TXNRD1: variants seen among roughly 807,000 people sequenced by gnomAD.
TXNRD1 encodes thioredoxin reductase 1, cytoplasmic.
In TXNRD1, 57 loss-of-function variants were observed where a neutral mutation model predicts 80.3. The ratio of observed to expected loss-of-function variants is 0.71; its 90% CI spans 0.57 to 0.89. The LOEUF is 0.89. Among genes scored for constraint, TXNRD1 ranks in the 40% least tolerant of loss-of-function variants. TXNRD1 has a pLI of 0.00. For missense variants in TXNRD1, 730 were observed against 803.0 expected (o/e 0.91, Z 1.10); for synonymous variants, 291 against 285.2 (o/e 1.02, Z -0.20).
chr12:104,331,117 G>A (rs1390329806), intron 13 of TXNRD1, among the ~76,000 whole-genome samples: 1 of 151,958 alleles, frequency 6.6e-6, no homozygotes, highest in Non-Finnish European at 1.5e-5. Context: ...AGGATAAAAT[G>A]TTTTATGGCT....
chr12:104,317,413 CTCTAAT>C lies in TXNRD1; in HGVS notation c.731-1494_731-1489del, dbSNP rs1453086163. ...AGTTGAACCAATTTCTTAAGGTTTG[CTCTAAT>C]TCTAACATTATGATCATATGAATTC... On this transcript the variant is annotated intron_variant, in intron 7 of 16. Transcript: ENST00000525566. 5.0e-5 allele frequency among the ~76,000 whole-genome samples: 7 copies of C among 140,504 alleles called. No individual in the cohort carries two copies. The Middle Eastern group carries it at 0.012, about 239-fold the overall frequency. The allele number at this position is 140,504 out of a possible 152,430, so 92.2% of individuals were successfully genotyped here.
intron 3 of TXNRD1, among the ~76,000 whole-genome samples, chr12:104,266,548 G>T (rs1358592397): frequency 2.5e-5 from 3 of 120,196 alleles, no homozygotes; most frequent in Non-Finnish European, 3.6e-5. Context: ...AAAAAAATTA[G>T]TTGGCTGGGC....
At chr12:104,294,470 G>A (rs940822938) in intron 4 of TXNRD1, among the ~76,000 whole-genome samples, 7 of 152,016 alleles carry the variant, frequency 4.6e-5, no homozygotes, top group African/African-American at 9.7e-5. Flanking sequence ...TGTATGGCCT[G>A]GTTTTTCCTA....
chr12:104,257,537 G>A (rs1051749126), intron 2 of TXNRD1, among the ~76,000 whole-genome samples: 2 of 151,546 alleles, frequency 1.3e-5, no homozygotes, highest in Non-Finnish European at 1.5e-5. Flanking sequence ...CTCCCGAGTA[G>A]CTGAGATTAC....
chr12:104,229,510 TA>T (rs1259528031), intron 1 of TXNRD1, among the ~76,000 whole-genome samples: 1 of 152,014 alleles, frequency 6.6e-6, no homozygotes, highest in African/African-American at 2.4e-5. Flanking sequence ...TTGCAGCATG[TA>T]TTAGTACTTC....
Position 104,348,453 on chromosome 12 carries a change from A to C in TXNRD1, c.*32A>C. ...GTGTGGATGCTGTTGCCAAGACTGCAAACCACTGGCTCGTTTCCGTGCCCA... is the reference window on the plus strand; with the variant it reads ...GTGTGGATGCTGTTGCCAAGACTGCCAACCACTGGCTCGTTTCCGTGCCCA... On this transcript the variant is annotated 3_prime_UTR_variant, in exon 17 of 17. Transcript: ENST00000525566. 1 of 1,610,118 alleles carries C rather than the reference A, an allele frequency of 6.2e-7. No homozygotes were observed. Among genetic ancestry groups the C allele is most frequent in the Non-Finnish European group, 8.5e-7 (1 of 1,176,748 alleles).
At chr12:104,248,645 G>A (rs2033044235) in intron 1 of TXNRD1, among the ~76,000 whole-genome samples, 1 of 152,078 alleles carries the variant, frequency 6.6e-6, no homozygotes, top group African/African-American at 2.4e-5. Context: ...AGTAGGTTAG[G>A]GACAAGGATG....
At chr12:104,267,699 T>TTCTTTCTTTCTCTCTC (rs1555209251) in intron 3 of TXNRD1, among the ~76,000 whole-genome samples, 112 of 46,426 alleles carry the variant, frequency 2.4e-3, no homozygotes, top group African/African-American at 5.3e-3. Flanking sequence ...CTTTCTTTCT[T>TTCTTTCTTTCTCTCTC]TCTCTCTTTC....
At chr12:104,313,211 C>T in intron 5 of TXNRD1, 34 bp from the exon 6 acceptor site, 1 of 1,526,910 alleles carries the variant, frequency 6.5e-7, no homozygotes, top group Non-Finnish European at 8.9e-7. Context: ...TCATGTTAAC[C>T]TTTCCAACTC....
chr12:104,288,899 T>C (rs536586021), intron 3 of TXNRD1, 32 bp from the exon 4 acceptor site: 3 of 1,613,906 alleles, frequency 1.9e-6, no homozygotes, highest in African/African-American at 2.7e-5. Flanking sequence ...AGAAGCACCT[T>C]ACACGCTCCG....
At chr12:104,219,126 T>C (rs2032288440) in intron 1 of TXNRD1, among the ~76,000 whole-genome samples, 1 of 152,054 alleles carries the variant, frequency 6.6e-6, no homozygotes, top group African/African-American at 2.4e-5. Flanking sequence ...AAATTTTTTG[T>C]AGAGATAGGT....
rs144671274 is a variant in TXNRD1 at position 104,325,428 on chromosome 12, C to T, written c.1307C>T (p.Thr436Met). Residue 436 changes from threonine to methionine, a missense_variant and splice_region_variant, in exon 11 of 17, where the codon ACG becomes ATG. Coordinates refer to ENST00000525566, the MANE Select transcript of TXNRD1 (RefSeq NM_001093771.3). Reference sequence around the variant, plus strand: ...GAAATCATTGAAGGAGAATATAATACGGTAAGGAATGGGCCCAGGTTAATA... The same window carrying T: ...GAAATCATTGAAGGAGAATATAATATGGTAAGGAATGGGCCCAGGTTAATA... ...SEEIIEGEYN[T>M]VMLAIGRDAC... 7.8e-5 allele frequency: 126 copies of T among 1,605,178 alleles called. No individual in the cohort carries two copies. Among genetic ancestry groups the T allele is most frequent in the Admixed American group, 1.2e-4 (7 of 59,646 alleles).
In TXNRD1 at chr12:104,339,196, T is replaced by C; in HGVS notation, c.1804T>C (p.Phe602Leu). The change falls in exon 16 of 17, where the codon TTT (phenylalanine) becomes CTT (leucine). Residue 602 changes from phenylalanine to leucine, a missense_variant. By Grantham distance (22) the Phe-to-Leu change is conservative. Coordinates refer to ENST00000525566, the MANE Select transcript of TXNRD1 (RefSeq NM_001093771.3). Reference protein sequence around the residue: ...GPNAGEVTQGFAAALKCGLTK... With the variant: ...GPNAGEVTQGLAAALKCGLTK... ...AAATGCTGGAGAAGTTACACAAGGCTTTGCAGCTGCGCTCAAATGTGGACT... is the reference window on the plus strand; with the variant it reads ...AAATGCTGGAGAAGTTACACAAGGCCTTGCAGCTGCGCTCAAATGTGGACT... 1 of 1,613,952 alleles carries C rather than the reference T, an allele frequency of 6.2e-7. No individual in the cohort carries two copies. The highest frequency in any genetic ancestry group is 8.5e-7 in the Non-Finnish European group (1 of 1,179,878).
intron 1 of TXNRD1, 131 bp from the exon 2 acceptor site, chr12:104,251,396 C>T: frequency 2.3e-6 from 2 of 868,770 alleles, no homozygotes; most frequent in East Asian, 2.7e-5. Context: ...TAGAGTCCTT[C>T]CTTCCTCAGA....
chr12:104,348,490 A>G lies in TXNRD1; in HGVS notation c.*69A>G, dbSNP rs2036562429. 7 of 1,527,572 alleles carry G rather than the reference A, an allele frequency of 4.6e-6. No homozygotes were observed. The allele number at this position is 1,527,572 out of a possible 1,614,324, so 94.6% of individuals were successfully genotyped here. ...CGTTTCCGTGCCCAAATCCAAGGCGAAGTTTTCTAGAGGGTTCTTGGGCTC... is the reference window on the plus strand; with the variant it reads ...CGTTTCCGTGCCCAAATCCAAGGCGGAGTTTTCTAGAGGGTTCTTGGGCTC... On this transcript the variant is annotated 3_prime_UTR_variant, in exon 17 of 17. Coordinates refer to ENST00000525566, the MANE Select transcript of TXNRD1 (RefSeq NM_001093771.3).
chr12:104,308,286 C>T (rs926246963), intron 4 of TXNRD1, among the ~76,000 whole-genome samples: 11 of 152,144 alleles, frequency 7.2e-5, no homozygotes, highest in African/African-American at 1.2e-4. Context: ...TGAGCCACCA[C>T]GCCTCGCTGC....
At chr12:104,305,693 TATTAA>T (rs1351090551) in intron 4 of TXNRD1, among the ~76,000 whole-genome samples, 1 of 152,224 alleles carries the variant, frequency 6.6e-6, no homozygotes, top group Non-Finnish European at 1.5e-5. Flanking sequence ...TAACTTCATC[TATTAA>T]TATCCTGAGA....
intron 1 of TXNRD1, among the ~76,000 whole-genome samples, chr12:104,225,585 T>C (rs1352943178): frequency 6.6e-6 from 1 of 152,178 alleles, no homozygotes; most frequent in Non-Finnish European, 1.5e-5. Flanking sequence ...ATGATGGTTT[T>C]ATAAAGGGCT....
chr12:104,304,055 C>A (rs377416878), intron 4 of TXNRD1: 2 of 1,613,818 alleles, frequency 1.2e-6, no homozygotes, highest in South Asian at 2.2e-5. Context: ...CCGCAGCATC[C>A]GCAGGCAGTA....
Sources: gnomAD v4.1 joint callset for allele counts (sites outside exome capture counted in the v4.1 genomes callset) on GRCh38, gnomAD v4.1.1 for gene constraint, MANE v1.5 for transcripts, NCBI Gene and HGNC (gene_info 2026-07-23, HGNC 2026-07-21) for gene names.